The following CAMK4 variants were observed in gnomAD, a reference collection of about 807,000 sequenced individuals.
CAMK4 encodes the protein calcium/calmodulin-dependent protein kinase type IV.
CAMK4 carries 22 observed loss-of-function variants against 44.9 expected under a neutral mutation model. The ratio of observed to expected loss-of-function variants is 0.49; its 90% CI spans 0.35 to 0.70. The LOEUF is 0.70. Ranked by LOEUF, CAMK4 falls within the 30% of genes least tolerant of loss-of-function variation. The pLI, the probability that CAMK4 is intolerant of heterozygous loss-of-function variation, is 0.01. For missense variants in CAMK4, 498 were observed against 586.8 expected, an observed-to-expected ratio of 0.85 and a Z score of 1.56; for synonymous variants, 218 against 215.4, an observed-to-expected ratio of 1.01 and a Z score of -0.11.
intron 5 of CAMK4, among the ~76,000 whole-genome samples, chr5:111,395,021 C>T (rs1751944871): frequency 6.6e-6 from 1 of 151,654 alleles, no homozygotes; most frequent in Non-Finnish European, 1.5e-5. Flanking sequence ...CCAGCCTTGC[C>T]AACATGGTGA....
intron 1 of CAMK4, chr5:111,270,176 A>G (rs942337052): frequency 6.6e-6 from 1 of 152,268 alleles, no homozygotes; most frequent in East Asian, 1.9e-4. Context: ...GAGAAGTGAA[A>G]ACACATCTAG....
intron 1 of CAMK4, among the ~76,000 whole-genome samples, chr5:111,300,524 A>G (rs1044563053): frequency 1.3e-5 from 2 of 152,222 alleles, no homozygotes; most frequent in Non-Finnish European, 2.9e-5. Flanking sequence ...AATTTAAATT[A>G]ATGTTTTATT....
At chr5:111,269,924 A>G (rs1750432451) in intron 1 of CAMK4, 2 of 152,170 alleles carry the variant, frequency 1.3e-5, no homozygotes, top group South Asian at 4.1e-4. Flanking sequence ...ATGTTTTCAT[A>G]ATGTCATGCT....
chr5:111,224,847 G>A lies in CAMK4; in HGVS notation c.161+203G>A, dbSNP rs1580446272. Among the ~76,000 whole-genome samples the A allele has an allele frequency of 6.6e-6, 1 of 152,110 alleles. No homozygotes were observed. Among genetic ancestry groups the A allele is most frequent in the East Asian group, 1.9e-4 (1 of 5,166 alleles). On this transcript the variant is annotated intron_variant, in intron 1 of 10. Coordinates refer to ENST00000282356, the MANE Select transcript of CAMK4 (RefSeq NM_001744.6). This position sits in a 1 kb window ranked among gnomAD's most constrained non-coding sequence, Gnocchi z 5.7. ...CCACCAGAGCGCCTAGGCCGGTGCAGCTGTAGGATCAGCCCGACTCCCTCC... is the reference window on the plus strand; with the variant it reads ...CCACCAGAGCGCCTAGGCCGGTGCAACTGTAGGATCAGCCCGACTCCCTCC...
chr5:111,483,330 T>C (rs1056051928), intron 10 of CAMK4, among the ~76,000 whole-genome samples: 1 of 152,166 alleles, frequency 6.6e-6, no homozygotes, highest in African/African-American at 2.4e-5. Context: ...TTTCCTAATA[T>C]AGATAAATAA....
At chr5:111,395,231 AAAAAAAAAGAAAAAG>A (rs1561460495) in intron 5 of CAMK4, among the ~76,000 whole-genome samples, 1 of 9,734 alleles carries the variant, frequency 1.0e-4, no homozygotes, top group Non-Finnish European at 2.1e-4. Flanking sequence ...AAAAAAAGAA[AAAAAAAAAGAAAAAG>A]AAAAAAGAAA....
intron 9 of CAMK4, among the ~76,000 whole-genome samples, chr5:111,480,380 T>G (rs1323660886): frequency 6.6e-6 from 1 of 151,808 alleles, no homozygotes; most frequent in African/African-American, 2.4e-5. Context: ...CTCCCACCTA[T>G]AGTTGGTTCC....
intron 1 of CAMK4, among the ~76,000 whole-genome samples, chr5:111,272,338 G>A (rs1216553366): frequency 6.6e-6 from 1 of 151,932 alleles, no homozygotes; most frequent in Admixed American, 6.6e-5. Context: ...CATCTCTGTT[G>A]TGCTACAGAA....
intron 4 of CAMK4, among the ~76,000 whole-genome samples, chr5:111,387,795 A>C (rs558299453): frequency 3.3e-5 from 5 of 152,304 alleles, no homozygotes; most frequent in Admixed American, 3.3e-4. Context: ...GAAGGCTAAT[A>C]ATTTTACCAC....
chr5:111,237,185 T>G (rs17521010), intron 1 of CAMK4, among the ~76,000 whole-genome samples: 32,924 of 152,122 alleles, frequency 0.22, 3,961 homozygotes, highest in Non-Finnish European at 0.28. Flanking sequence ...GTTGCACCCA[T>G]GGGGTTTCCA....
chr5:111,426,153 C>T (rs1363476015), intron 5 of CAMK4, among the ~76,000 whole-genome samples: 1 of 151,910 alleles, frequency 6.6e-6, no homozygotes, highest in Non-Finnish European at 1.5e-5. Flanking sequence ...TTGATCATAT[C>T]AAATGATGCA....
intron 1 of CAMK4, among the ~76,000 whole-genome samples, chr5:111,233,033 A>G (rs981278561): frequency 6.6e-6 from 1 of 152,228 alleles, no homozygotes; most frequent in Non-Finnish European, 1.5e-5. Context: ...TTTGACTTTC[A>G]TATAATTTTC....
intron 5 of CAMK4, among the ~76,000 whole-genome samples, chr5:111,428,680 C>A (rs951310719): frequency 6.6e-6 from 1 of 151,986 alleles, no homozygotes; most frequent in Non-Finnish European, 1.5e-5. Flanking sequence ...ATTGAAAATA[C>A]ACAGAGAAGA....
chr5:111,248,556 G>A (rs947074806), intron 1 of CAMK4, among the ~76,000 whole-genome samples: 7 of 149,994 alleles, frequency 4.7e-5, no homozygotes, highest in Admixed American at 2.0e-4. Flanking sequence ...TCCTGAAAGC[G>A]AATCTGGTTT....
At chr5:111,445,048 A>T (rs776497494) in intron 5 of CAMK4, among the ~76,000 whole-genome samples, 4 of 152,214 alleles carry the variant, frequency 2.6e-5, no homozygotes, top group African/African-American at 4.8e-5. Context: ...TGTGTATTAA[A>T]ATAAAAATGC....
chr5:111,429,978 A>T lies in CAMK4; in HGVS notation c.460-16708A>T, dbSNP rs563857147. On this transcript the variant is annotated intron_variant, in intron 5 of 10. Transcript: ENST00000282356. The stretch of plus-strand genomic sequence containing the variant: ...TCCAAACTCATTCTATGAGGCCATT[A>T]TTTCCCTGATACCAAAACCAGACAA... 3.3e-5 allele frequency among the ~76,000 whole-genome samples: 5 copies of T among 151,506 alleles called. No homozygotes were observed. In the East Asian group the frequency reaches 9.7e-4, roughly 29 times the overall value.
chr5:111,449,208 G>A lies in CAMK4; in HGVS notation c.625+5G>A. 2 of 1,337,986 alleles carry A rather than the reference G, an allele frequency of 1.5e-6. No homozygotes were observed. The highest frequency in any genetic ancestry group is 1.0e-6 in the Non-Finnish European group (1 of 958,334). 82.9% of individuals were successfully genotyped at this position (1,337,986 alleles called of 1,614,324 possible). A position where few individuals can be genotyped will look rare whatever the true frequency, so the allele number is the denominator to read the frequency against. Reference sequence around the variant, plus strand: ...GTGGAACCCCAGGGTACTGCGGTATGCTCTTTAATAATTATATTTTACTTT... The same window carrying A: ...GTGGAACCCCAGGGTACTGCGGTATACTCTTTAATAATTATATTTTACTTT... On this transcript the variant is annotated splice_donor_5th_base_variant and intron_variant, in intron 7 of 10. Coordinates refer to ENST00000282356, the MANE Select transcript of CAMK4 (RefSeq NM_001744.6).
At chr5:111,402,244 C>T (rs1752254841) in intron 5 of CAMK4, among the ~76,000 whole-genome samples, 2 of 152,218 alleles carry the variant, frequency 1.3e-5, no homozygotes, top group South Asian at 4.1e-4. Flanking sequence ...CTTGAAATTT[C>T]AATCTCAGCA....
At chr5:111,296,094 C>T (rs1049503322) in intron 1 of CAMK4, among the ~76,000 whole-genome samples, 1 of 152,090 alleles carries the variant, frequency 6.6e-6, no homozygotes, top group Non-Finnish European at 1.5e-5. Context: ...AGTAATAGCC[C>T]ACATACTTTC....
Sources: gnomAD v4.1 joint callset for allele counts (sites outside exome capture counted in the v4.1 genomes callset) on GRCh38, gnomAD v4.1.1 for gene constraint, Gnocchi (gnomAD v3.1) non-coding constraint, MANE v1.5 for transcripts, NCBI Gene and HGNC (gene_info 2026-07-23, HGNC 2026-07-21) for gene names.